The following MRPL45 variants were observed in gnomAD, a reference collection of about 807,000 sequenced individuals.
MRPL45 encodes large ribosomal subunit protein mL45.
Under a neutral mutation model 38.1 loss-of-function variants are expected in MRPL45, and 20 were observed. The ratio of observed to expected loss-of-function variants is 0.53; its 90% CI spans 0.37 to 0.76. The LOEUF is 0.76. Among genes scored for constraint, MRPL45 ranks in the 30% least tolerant of loss-of-function variants. The pLI, the probability that MRPL45 is intolerant of heterozygous loss-of-function variation, is 0.00. For synonymous variants in MRPL45, 105 were observed against 128.8 expected (o/e 0.82, Z 1.25); for missense variants, 337 against 395.6 (o/e 0.85, Z 1.26).
At chr17:38,304,119 T>G (rs2037027437) in intron 3 of MRPL45, among the ~76,000 whole-genome samples, 1 of 152,178 alleles carries the variant, frequency 6.6e-6, no homozygotes, top group South Asian at 2.1e-4. Context: ...CCCACTTCAT[T>G]TATAATTTGC....
intron 3 of MRPL45, among the ~76,000 whole-genome samples, chr17:38,305,364 G>A (rs1414433388): frequency 2.1e-5 from 3 of 144,500 alleles, no homozygotes; most frequent in South Asian, 4.6e-4. Context: ...CTACTTGGGA[G>A]GCTGAGGCAG....
At chr17:38,298,889 C>CT (rs2036963698) in intron 2 of MRPL45, among the ~76,000 whole-genome samples, 1 of 151,968 alleles carries the variant, frequency 6.6e-6, no homozygotes, top group Admixed American at 6.6e-5. Flanking sequence ...ATCTTTCTGG[C>CT]TTTTTTTGTT....
chr17:38,307,287 C>G (rs929542525), intron 4 of MRPL45, among the ~76,000 whole-genome samples: 1 of 151,634 alleles, frequency 6.6e-6, no homozygotes, highest in African/African-American at 2.4e-5. Flanking sequence ...CTGCCCGCCT[C>G]GGCCTCCCAA....
chr17:38,322,452 T>C, intron 7 of MRPL45, 57 bp from the exon 8 acceptor site: 2 of 1,441,174 alleles, frequency 1.4e-6, no homozygotes, highest in African/African-American at 2.8e-5. Context: ...GGGATGAAGC[T>C]CTTCTGGGTC....
intron 4 of MRPL45, among the ~76,000 whole-genome samples, chr17:38,317,645 C>T (rs941510270): frequency 6.6e-6 from 1 of 151,948 alleles, no homozygotes; most frequent in Non-Finnish European, 1.5e-5. Flanking sequence ...GATCTCAGCT[C>T]ACCGCAACCT....
rs764084920 is a variant in MRPL45, at chr17:38,322,591, C to T, written c.917C>T (p.Ala306Val). Residue 306 changes from alanine (A) to valine (V), a missense_variant, in exon 8 of 8, where the codon GCC (alanine) becomes GTC (valine). Coordinates refer to ENST00000613675, the MANE Select transcript of MRPL45 (RefSeq NM_032351.6). Reference protein sequence around the residue: ...AQGEAQKPQLA With the variant: ...AQGEAQKPQLV ...GGAGAGGCCCAGAAGCCTCAGCTAG[C>T]CTGATGACAAAAATGACTTCTAGGG... 4.3e-6 allele frequency: 7 copies of T among 1,612,022 alleles called. No homozygotes were observed. The Admixed American group carries it at 1.2e-4, about 27-fold the overall frequency.
Position 38,318,822 on chromosome 17 carries a change from C to CTT in MRPL45, c.510+90_510+91dup, listed in dbSNP as rs1454412319. 2,746 of 576,852 alleles carry CTT rather than the reference C, an allele frequency of 4.8e-3. 118 individuals carry two copies. The African/African-American group carries it at 0.048, about 10-fold the overall frequency. The allele number at this position is 576,852 out of a possible 1,614,324, so 35.7% of individuals were successfully genotyped here. A position where few individuals can be genotyped will look rare whatever the true frequency, so the allele number is the denominator to read the frequency against. The stretch of plus-strand genomic sequence containing the variant: ...TCTGGTTTTTCTTTTCTTTTCTTTT[C>CTT]TTTTCTTTTTTTTTTTTTTTTTGAG... On this transcript the variant is annotated intron_variant, in intron 5 of 7. Coordinates refer to ENST00000613675, the MANE Select transcript of MRPL45 (RefSeq NM_032351.6).
intron 4 of MRPL45, among the ~76,000 whole-genome samples, chr17:38,309,379 G>A (rs1447984925): frequency 6.6e-6 from 1 of 151,636 alleles, no homozygotes; most frequent in Admixed American, 6.6e-5. Context: ...AATTAGCCAG[G>A]TGTGGTGGTG....
rs562896200 is a variant in MRPL45, at chr17:38,317,004, G to A, written c.462-1683G>A. Among the ~76,000 whole-genome samples, 65 of 152,078 alleles carry A rather than the reference G, an allele frequency of 4.3e-4. 1 individual carries two copies. The East Asian group carries it at 0.011, about 25-fold the overall frequency. The stretch of plus-strand genomic sequence containing the variant: ...GTAGGGACAGGGTTTCACCATGTTG[G>A]CCAGGATGGTCTTGATCTCCTGACC... On this transcript the variant is annotated intron_variant, in intron 4 of 7. Transcript: ENST00000613675.
intron 4 of MRPL45, among the ~76,000 whole-genome samples, chr17:38,315,301 A>C (rs1466157635): frequency 6.6e-6 from 1 of 152,102 alleles, no homozygotes; most frequent in African/African-American, 2.4e-5. Context: ...GCCAGGCTGG[A>C]GTGAGCACAG....
rs1045034409 is a variant in MRPL45, at chr17:38,317,580, G to T, written c.462-1107G>T. Among the ~76,000 whole-genome samples, 12 of 150,220 alleles carry T rather than the reference G, an allele frequency of 8.0e-5. No homozygotes were observed. The East Asian group carries it at 2.4e-3, about 29-fold the overall frequency. On this transcript the variant is annotated intron_variant, in intron 4 of 7. Transcript: ENST00000613675. ...TTTTGTGTTTTTTTTGTTTTGTTTT[G>T]TTTTTTTTTGAGACGGAATCTCGCT...
chr17:38,307,669 A>T (rs1448203761), intron 4 of MRPL45, among the ~76,000 whole-genome samples: 1 of 152,070 alleles, frequency 6.6e-6, no homozygotes, highest in Non-Finnish European at 1.5e-5. Flanking sequence ...TGATTCATCC[A>T]AGTTAGGGCT....
Position 38,306,538 on chromosome 17 carries a change from G to A in MRPL45, c.368G>A (p.Arg123Gln), listed in dbSNP as rs766391949. 8.1e-6 allele frequency: 13 copies of A among 1,604,734 alleles called. No individual in the cohort carries two copies. Among genetic ancestry groups the A allele is most frequent in the Middle Eastern group, 1.7e-4 (1 of 6,038 alleles). The change falls in exon 4 of 8, where the codon CGG becomes CAG. Residue 123 changes from arginine (R) to glutamine (Q), a missense_variant. This residue lies in a region of MRPL45 where 251 missense variants were observed against 269.1 expected (regional missense o/e 0.93). Coordinates refer to ENST00000613675, the MANE Select transcript of MRPL45 (RefSeq NM_032351.6). ...KKTMASQVSI[R>Q]RIKDYDANFK... The stretch of plus-strand genomic sequence containing the variant: ...ACTCAGGCTTAATTTTACAGAATCC[G>A]GAGGATAAAAGACTATGATGCCAAC...
chr17:38,297,308 G>A, intron 1 of MRPL45, 59 bp downstream of exon 1: 1 of 1,485,968 alleles, frequency 6.7e-7, no homozygotes, highest in Non-Finnish European at 9.4e-7. Flanking sequence ...AGAGTCGAGG[G>A]AAATACTCTC....
At chr17:38,316,113 C>T (rs1265083971) in intron 4 of MRPL45, among the ~76,000 whole-genome samples, 2 of 152,060 alleles carry the variant, frequency 1.3e-5, no homozygotes, top group East Asian at 1.9e-4. Context: ...CCATTTCTTT[C>T]TTCTTTTTCT....
At chr17:38,316,590 C>T (rs1597654623) in intron 4 of MRPL45, among the ~76,000 whole-genome samples, 1 of 151,672 alleles carries the variant, frequency 6.6e-6, no homozygotes, top group African/African-American at 2.4e-5. Flanking sequence ...GGGCAGATCA[C>T]TTGAGTCCAG....
At chr17:38,318,138 G>T (rs748452066) in intron 4 of MRPL45, among the ~76,000 whole-genome samples, 1 of 150,774 alleles carries the variant, frequency 6.6e-6, no homozygotes, top group Non-Finnish European at 1.5e-5. Context: ...AACCTGGGAG[G>T]TGGAGGTTGC....
At chr17:38,305,379 AT>A (rs2037041879) in intron 3 of MRPL45, among the ~76,000 whole-genome samples, 1 of 142,082 alleles carries the variant, frequency 7.0e-6, no homozygotes, top group Non-Finnish European at 1.5e-5. Context: ...AGGCAGGAGA[AT>A]TGCTTGAACC....
chr17:38,298,461 A>C lies in MRPL45; in HGVS notation c.79A>C (p.Thr27Pro), dbSNP rs1285744498. The C allele has an allele frequency of 6.2e-7, 1 of 1,613,590 alleles. No individual in the cohort carries two copies. The highest frequency in any genetic ancestry group is 1.7e-5 in the Admixed American group (1 of 59,936). Residue 27 changes from threonine (T) to proline (P), a missense_variant, in exon 2 of 8, where the codon ACT (threonine) becomes CCT (proline). Thr to Pro is a conservative substitution (Grantham distance 38). Coordinates refer to ENST00000613675, the MANE Select transcript of MRPL45 (RefSeq NM_032351.6). The stretch of plus-strand genomic sequence containing the variant: ...CTTTACCTTCCAGCCAGTTCTGGTG[A>C]CTCAGTCCGCAGCTATAGTTCCAGT... ...GWWSRQPVLV[T>P]QSAAIVPVRT...
Sources: allele counts gnomAD v4.1 joint callset (sites outside exome capture counted in the v4.1 genomes callset), GRCh38; gene constraint gnomAD v4.1.1; regional missense constraint gnomAD v4.1.1; transcripts MANE v1.5; gene names NCBI Gene and HGNC (gene_info 2026-07-23, HGNC 2026-07-21).